The following HS6ST2 variants were observed in gnomAD, a reference collection of about 807,000 sequenced individuals.
HS6ST2 encodes heparan sulfate 6-O-sulfotransferase 2, also known as heparan-sulfate 6-O-sulfotransferase 2.
A neutral mutation model predicts 33.0 loss-of-function variants in HS6ST2; 17 were observed. That is an observed-to-expected ratio of 0.52 (90% CI 0.35 to 0.77). The LOEUF (loss-of-function observed/expected upper bound fraction) is 0.77. Ranked by LOEUF, HS6ST2 falls within the 30% of genes least tolerant of loss-of-function variation. HS6ST2 has a pLI of 0.01. For synonymous variants in HS6ST2, 248 were observed against 237.1 expected, an observed-to-expected ratio of 1.05 and a Z score of -0.42; for missense variants, 519 against 551.7, an observed-to-expected ratio of 0.94 and a Z score of 0.59.
At chrX:132,881,019 T>A (rs1160483479) in intron 2 of HS6ST2, among the ~76,000 whole-genome samples, 1 of 110,615 alleles carries the variant, frequency 9.0e-6, no homozygotes, top group Non-Finnish European at 1.9e-5. Flanking sequence ...CTTAATCCAG[T>A]CTATCATTGT....
intron 2 of HS6ST2, among the ~76,000 whole-genome samples, chrX:132,723,155 T>C (rs2064352706): frequency 9.0e-6 from 1 of 111,241 alleles, no homozygotes; most frequent in Non-Finnish European, 1.9e-5. Flanking sequence ...AACAGACCAA[T>C]AGCAAGTCAT....
At chrX:132,926,815 C>T (rs1186261865) in intron 2 of HS6ST2, among the ~76,000 whole-genome samples, 3 of 111,519 alleles carry the variant, frequency 2.7e-5, no homozygotes, top group African/African-American at 9.8e-5. Context: ...CCCAGCTACT[C>T]GGGAGGCCGA....
intron 2 of HS6ST2, among the ~76,000 whole-genome samples, chrX:132,922,757 G>A (rs752894303): frequency 9.0e-6 from 1 of 111,206 alleles, no homozygotes; most frequent in Non-Finnish European, 1.9e-5. Flanking sequence ...GAAGGGGAGA[G>A]CTTCCGGCTT....
At chrX:132,644,908 C>T (rs1265078152) in intron 4 of HS6ST2, among the ~76,000 whole-genome samples, 2 of 111,620 alleles carry the variant, frequency 1.8e-5, no homozygotes, top group African/African-American at 3.3e-5. Flanking sequence ...GAGACTGCTG[C>T]ACCCACAATA....
intron 2 of HS6ST2, among the ~76,000 whole-genome samples, chrX:132,748,060 C>T (rs898785464): frequency 2.7e-5 from 3 of 111,400 alleles, no homozygotes; most frequent in Non-Finnish European, 5.7e-5. Flanking sequence ...ATGAATCAGA[C>T]ATCAAATATT....
chrX:132,858,464 C>G (rs1219600503), intron 2 of HS6ST2, among the ~76,000 whole-genome samples: 2 of 112,083 alleles, frequency 1.8e-5, no homozygotes, highest in East Asian at 5.6e-4. Context: ...GTGTTCCTAA[C>G]AAAGTACTAG....
At chrX:132,908,931 C>T (rs756669871) in intron 2 of HS6ST2, among the ~76,000 whole-genome samples, 58 of 100,795 alleles carry the variant, frequency 5.8e-4, no homozygotes, top group Middle Eastern at 0.01. Flanking sequence ...TGTGCCATTG[C>T]TTTCCTAAAC....
At chrX:132,951,583 G>A (rs1420062434) in intron 2 of HS6ST2, among the ~76,000 whole-genome samples, 1 of 111,444 alleles carries the variant, frequency 9.0e-6, no homozygotes, top group African/African-American at 3.3e-5. Flanking sequence ...GAAGGAAAAG[G>A]GCCTGTCCAA....
intron 2 of HS6ST2, among the ~76,000 whole-genome samples, chrX:132,847,568 C>T (rs1469394248): frequency 1.8e-5 from 2 of 111,537 alleles, no homozygotes; most frequent in Non-Finnish European, 3.8e-5. Flanking sequence ...ATCTTGGACT[C>T]CACTGCTGAA....
At chrX:132,667,337 T>C (rs1231558928) in intron 4 of HS6ST2, among the ~76,000 whole-genome samples, 2 of 111,693 alleles carry the variant, frequency 1.8e-5, no homozygotes, top group South Asian at 7.6e-4. Context: ...TCACTATACA[T>C]GTCAAGTAAA....
chrX:132,951,726 A>G (rs2067018421), intron 2 of HS6ST2, among the ~76,000 whole-genome samples: 1 of 111,320 alleles, frequency 9.0e-6, no homozygotes, highest in Admixed American at 9.6e-5. Context: ...ATCTCCCCAC[A>G]ACTGCTAGCA....
chrX:132,822,774 A>C (rs1433521611), intron 2 of HS6ST2, among the ~76,000 whole-genome samples: 1 of 112,162 alleles, frequency 8.9e-6, no homozygotes, highest in Non-Finnish European at 1.9e-5. Context: ...AAGAGAGGGA[A>C]AATGTTTATC....
chrX:132,852,400 A>G (rs1460114438), intron 2 of HS6ST2, among the ~76,000 whole-genome samples: 1 of 111,861 alleles, frequency 8.9e-6, no homozygotes, highest in East Asian at 2.8e-4. Context: ...TAAACCTTAT[A>G]TGTCCCTCTT....
intron 2 of HS6ST2, among the ~76,000 whole-genome samples, chrX:132,879,363 G>C (rs892955367): frequency 8.9e-6 from 1 of 111,891 alleles, no homozygotes; most frequent in Non-Finnish European, 1.9e-5. Context: ...GCATCATAAA[G>C]AAGAAAGCTT....
At chrX:132,848,677 C>T (rs926113158) in intron 2 of HS6ST2, among the ~76,000 whole-genome samples, 1 of 111,811 alleles carries the variant, frequency 8.9e-6, no homozygotes, top group Non-Finnish European at 1.9e-5. Flanking sequence ...TAAGAAAATT[C>T]TATGCATACT....
rs886173099 is a variant in HS6ST2, at chrX:132,944,595, T to A, written c.947+12213A>T. On this transcript the variant is annotated intron_variant, in intron 2 of 4. Transcript: ENST00000370833. ...AGCTGGAGGCATCACGCTACCTGAC[T>A]TCAAACTATACTACAAGGCTACAGT... is the stretch of plus-strand genomic sequence containing the variant. Among the ~76,000 whole-genome samples the A allele has an allele frequency of 1.6e-4, 18 of 111,679 alleles. No homozygotes were observed. In the Admixed American group the frequency reaches 1.6e-3, roughly 10 times the overall value.
intron 2 of HS6ST2, among the ~76,000 whole-genome samples, chrX:132,913,249 C>T (rs1346569646): frequency 8.9e-6 from 1 of 112,054 alleles, no homozygotes; most frequent in Non-Finnish European, 1.9e-5. Flanking sequence ...GCCCTCTGCC[C>T]TCCGCCAGTG....
At chrX:132,670,797 T>A (rs1431514542) in intron 3 of HS6ST2, among the ~76,000 whole-genome samples, 1 of 111,844 alleles carries the variant, frequency 8.9e-6, no homozygotes, top group Non-Finnish European at 1.9e-5. Flanking sequence ...CGGGCAACAG[T>A]GCGAGACTCC....
intron 3 of HS6ST2, among the ~76,000 whole-genome samples, chrX:132,670,716 G>T (rs1417544053): frequency 8.9e-6 from 1 of 112,790 alleles, no homozygotes; most frequent in Non-Finnish European, 1.9e-5. Flanking sequence ...GGGAGGCTGA[G>T]GCAGGAGAAT....
Sources: gnomAD v4.1 joint callset for allele counts (sites outside exome capture counted in the v4.1 genomes callset) on GRCh38, gnomAD v4.1.1 for gene constraint, MANE v1.5 for transcripts, NCBI Gene and HGNC (gene_info 2026-07-23, HGNC 2026-07-21) for gene names.